UBQLN1: variants seen among roughly 807,000 people sequenced by gnomAD.
The protein encoded by UBQLN1 is ubiquilin 1.
UBQLN1 carries 13 observed loss-of-function variants against 65.4 expected under a neutral mutation model. That is an observed-to-expected ratio of 0.20 (90% CI 0.13 to 0.32). UBQLN1 has a LOEUF of 0.32. Among genes scored for constraint, UBQLN1 ranks in the 10% least tolerant of loss-of-function variants. The pLI is 1.00. For missense variants in UBQLN1, 561 were observed against 724.0 expected, an observed-to-expected ratio of 0.77 and a Z score of 2.58; for synonymous variants, 267 against 247.8, an observed-to-expected ratio of 1.08 and a Z score of -0.73.
At chr9:83,674,579 T>C (rs1182210339) in intron 6 of UBQLN1, among the ~76,000 whole-genome samples, 1 of 152,238 alleles carries the variant, frequency 6.6e-6, no homozygotes, top group Non-Finnish European at 1.5e-5. Context: ...AAATCTTGAT[T>C]GCAGTAACCA....
intron 1 of UBQLN1, among the ~76,000 whole-genome samples, chr9:83,705,097 C>T (rs1832376566): frequency 6.6e-6 from 1 of 152,072 alleles, no homozygotes; most frequent in South Asian, 2.1e-4. Context: ...TGGCTACACA[C>T]CCGCTAAAAT....
chr9:83,680,113 T>A lies in UBQLN1; in HGVS notation c.449-76A>T. On this transcript the variant is annotated intron_variant, in intron 3 of 10. Coordinates refer to ENST00000376395, the MANE Select transcript of UBQLN1 (RefSeq NM_013438.5). ...ATTAACATGACATAAAATATGAAGA[T>A]GCAAAAAAGTATTAGCTGACCCAAT... The A allele has an allele frequency of 5.5e-6, 8 of 1,449,512 alleles. No homozygotes were observed. In the Admixed American group the frequency reaches 1.2e-4, roughly 21 times the overall value. The allele number at this position is 1,449,512 out of a possible 1,614,324, so 89.8% of individuals were successfully genotyped here. A position where few individuals can be genotyped will look rare whatever the true frequency, so the allele number is the denominator to read the frequency against.
intron 7 of UBQLN1, chr9:83,667,885 G>C: frequency 3.1e-6 from 3 of 976,464 alleles, no homozygotes; most frequent in Non-Finnish European, 3.6e-6. Flanking sequence ...TGTAATAAAA[G>C]ACATGCCAAT....
At chr9:83,681,584 A>C in intron 3 of UBQLN1, among the ~76,000 whole-genome samples, 1 of 152,234 alleles carries the variant, frequency 6.6e-6, no homozygotes, top group East Asian at 1.9e-4. Flanking sequence ...TAGGAGGGGG[A>C]CTGAATACTA....
intron 1 of UBQLN1, among the ~76,000 whole-genome samples, chr9:83,696,958 A>C (rs1232340109): frequency 6.6e-6 from 1 of 152,194 alleles, no homozygotes; most frequent in African/African-American, 2.4e-5. Context: ...TTCTTAAAAA[A>C]AGATACAGAG....
chr9:83,668,982 G>A (rs1054698888), intron 7 of UBQLN1: 27 of 528,240 alleles, frequency 5.1e-5, no homozygotes, highest in Non-Finnish European at 7.9e-5. Flanking sequence ...ATGAATGGCA[G>A]AGATAAAGTT....
intron 1 of UBQLN1, among the ~76,000 whole-genome samples, chr9:83,695,891 A>T (rs1012952403): frequency 2.0e-5 from 3 of 152,234 alleles, no homozygotes; most frequent in African/African-American, 7.2e-5. Flanking sequence ...CTCTAAAAAA[A>T]GCTCCTAATC....
At position 83,666,364 on chromosome 9, in the gene UBQLN1, T is replaced by C. The variant is rs760831264; in HGVS notation, c.1318A>G (p.Thr440Ala). Residue 440 changes from threonine to alanine, a missense_variant, in exon 8 of 11, where the codon ACT becomes GCT. By Grantham distance (58) the Thr-to-Ala change is moderately conservative. Transcript: ENST00000376395. Reference sequence around the variant, plus strand: ...GTCTTACTCACTTGTTGGAGGAAAGTTGGGAGCTGTTGTCTCATTTGTTCT... The same window carrying C: ...GTCTTACTCACTTGTTGGAGGAAAGCTGGGAGCTGTTGTCTCATTTGTTCT... ...LQEQMRQQLP[T>A]FLQQMQNPDT... 14 of 1,613,868 alleles carry C rather than the reference T, an allele frequency of 8.7e-6. No individual in the cohort carries two copies. Among genetic ancestry groups the C allele is most frequent in the Admixed American group, 5.0e-5 (3 of 60,018 alleles).
At chr9:83,676,672 ATTC>A (rs1831838461) in intron 6 of UBQLN1, among the ~76,000 whole-genome samples, 2 of 152,182 alleles carry the variant, frequency 1.3e-5, no homozygotes, top group Admixed American at 6.5e-5. Context: ...TCTCATTCTG[ATTC>A]TTCTTTCAGC....
rs759009459 is a variant in UBQLN1, at chr9:83,666,349, CTTG to C, written c.1330_1332del (p.Gln444del). On this transcript the variant is annotated inframe_deletion and splice_region_variant, in exon 8 of 11. Coordinates refer to ENST00000376395, the MANE Select transcript of UBQLN1 (RefSeq NM_013438.5). The stretch of plus-strand genomic sequence containing the variant: ...GATAGCTAACATCTTGTCTTACTCA[CTTG>C]TTGGAGGAAAGTTGGGAGCTGTTGT... The C allele has an allele frequency of 1.2e-6, 2 of 1,613,648 alleles. No homozygotes were observed. Among genetic ancestry groups the C allele is most frequent in the Non-Finnish European group, 1.7e-6 (2 of 1,179,650 alleles).
At chr9:83,686,705 C>A (rs1172724950) in intron 1 of UBQLN1, among the ~76,000 whole-genome samples, 1 of 152,114 alleles carries the variant, frequency 6.6e-6, no homozygotes, top group Non-Finnish European at 1.5e-5. Flanking sequence ...TAGTTGAATA[C>A]AGTATACACA....
At position 83,661,692 on chromosome 9, in the gene UBQLN1, A is replaced by G; in HGVS notation, c.*95T>C. ...ATTGGGTTTGTTTATAACAGCACAG[A>G]ATTCCAAGAGTCAAAATGAAATAAA... On this transcript the variant is annotated 3_prime_UTR_variant, in exon 11 of 11. Coordinates refer to ENST00000376395, the MANE Select transcript of UBQLN1 (RefSeq NM_013438.5). The G allele has an allele frequency of 7.3e-7, 1 of 1,372,860 alleles. No homozygotes were observed. Among genetic ancestry groups the G allele is most frequent in the Non-Finnish European group, 9.9e-7 (1 of 1,010,854 alleles). The allele number at this position is 1,372,860 out of a possible 1,614,324, so 85.0% of individuals were successfully genotyped here.
At chr9:83,697,157 A>G (rs1329790512) in intron 1 of UBQLN1, among the ~76,000 whole-genome samples, 1 of 151,872 alleles carries the variant, frequency 6.6e-6, no homozygotes, top group Non-Finnish European at 1.5e-5. Flanking sequence ...AGGCCTCCCA[A>G]GTTTGTACTG....
At chr9:83,689,214 A>G (rs1225763289) in intron 1 of UBQLN1, among the ~76,000 whole-genome samples, 2 of 152,224 alleles carry the variant, frequency 1.3e-5, no homozygotes, top group Admixed American at 6.5e-5. Context: ...GCATGTTTAC[A>G]AGATTCACCC....
intron 3 of UBQLN1, 24 bp downstream of exon 3, chr9:83,682,927 A>G: frequency 7.0e-7 from 1 of 1,435,816 alleles, no homozygotes; most frequent in Non-Finnish European, 9.7e-7. Context: ...TCCCATCCCT[A>G]CTGGAATGAC....
At chr9:83,682,807 C>A (rs774957314) in intron 3 of UBQLN1, 144 bp downstream of exon 3, 35 of 468,490 alleles carry the variant, frequency 7.5e-5, no homozygotes, top group Middle Eastern at 1.2e-3. Context: ...TTAATATCTA[C>A]AATTATAGGA....
At chr9:83,665,253 C>A in intron 8 of UBQLN1, 108 bp from the exon 9 acceptor site, 2 of 679,316 alleles carry the variant, frequency 2.9e-6, no homozygotes, top group East Asian at 3.0e-5. Context: ...AACCTTACTC[C>A]TGGACACTGG....
intron 8 of UBQLN1, among the ~76,000 whole-genome samples, chr9:83,665,662 T>C (rs1215712624): frequency 2.0e-5 from 3 of 152,164 alleles, no homozygotes; most frequent in Admixed American, 6.5e-5. Flanking sequence ...TAACCAAAGA[T>C]AGGCTTACAT....
intron 6 of UBQLN1, among the ~76,000 whole-genome samples, chr9:83,670,743 T>C (rs1271529954): frequency 1.3e-5 from 2 of 152,156 alleles, no homozygotes; most frequent in East Asian, 1.9e-4. Flanking sequence ...ACTTTCAAAA[T>C]TGGAGCCAAT....
Sources: allele counts gnomAD v4.1 joint callset (sites outside exome capture counted in the v4.1 genomes callset), GRCh38; gene constraint gnomAD v4.1.1; transcripts MANE v1.5; gene names NCBI Gene and HGNC (gene_info 2026-07-23, HGNC 2026-07-21).